Variants in CABP1 observed in about 807,000 individuals in gnomAD.
The protein encoded by CABP1 is calcium-binding protein 1.
In CABP1, 17 loss-of-function variants were observed where a neutral mutation model predicts 34.3. The ratio of observed to expected loss-of-function variants is 0.50; its 90% CI spans 0.34 to 0.74. The LOEUF (loss-of-function observed/expected upper bound fraction) is 0.74. Ranked by LOEUF, CABP1 falls within the 30% of genes least tolerant of loss-of-function variation. The pLI is 0.01. For synonymous variants in CABP1, 198 were observed against 229.2 expected (o/e 0.86, Z 1.23); for missense variants, 373 against 511.1 (o/e 0.73, Z 2.61).
At position 120,667,036 on chromosome 12, in the gene CABP1, C is replaced by A. The variant is rs1012759308; in HGVS notation, c.*136C>A. On this transcript the variant is annotated 3_prime_UTR_variant, in exon 6 of 6. Transcript: ENST00000316803. ...GGGGCCTGCCTGCACCCCGGGGAGGCGCCCACCCCGGACCCCCACCCCTCC... is the reference window on the plus strand; with the variant it reads ...GGGGCCTGCCTGCACCCCGGGGAGGAGCCCACCCCGGACCCCCACCCCTCC... 7.6e-6 allele frequency: 8 copies of A among 1,050,196 alleles called. No individual in the cohort carries two copies. The highest frequency in any genetic ancestry group is 2.1e-5 in the Admixed American group (1 of 48,218). 65.1% of individuals were successfully genotyped at this position (1,050,196 alleles called of 1,614,324 possible).
At chr12:120,676,227 C>T in the CABP1 span, among the ~76,000 whole-genome samples, 1 of 152,288 alleles carries the variant, frequency 6.6e-6, no homozygotes, top group South Asian at 2.1e-4. Context: ...AGTCACATAT[C>T]ACCTGTTCAA....
intron 1 of CABP1, among the ~76,000 whole-genome samples, chr12:120,652,901 C>T (rs776100921): frequency 2.6e-5 from 4 of 152,158 alleles, no homozygotes; most frequent in Non-Finnish European, 5.9e-5. Flanking sequence ...TTGCTGCCCA[C>T]TTGGCTTCCT....
chr12:120,666,019 A>G (rs1410483868), intron 5 of CABP1, among the ~76,000 whole-genome samples: 2 of 144,654 alleles, frequency 1.4e-5, no homozygotes, highest in East Asian at 2.0e-4. Flanking sequence ...CTCTGTCTCA[A>G]AAAAAAAAAA....
chr12:120,653,263 A>G (rs1353739192), intron 1 of CABP1, among the ~76,000 whole-genome samples: 1 of 151,952 alleles, frequency 6.6e-6, no homozygotes, highest in Non-Finnish European at 1.5e-5. Flanking sequence ...CACTATGGCA[A>G]CTCTATTTAT....
chr12:120,649,343 G>T (rs1362387607), intron 1 of CABP1, among the ~76,000 whole-genome samples: 1 of 152,214 alleles, frequency 6.6e-6, no homozygotes, highest in African/African-American at 2.4e-5. Flanking sequence ...GGCTTGGGAG[G>T]AGTTCTGCTT....
Position 120,641,297 on chromosome 12 carries a change from C to G in CABP1, c.612C>G (p.Phe204Leu). The G allele has an allele frequency of 1.5e-6, 2 of 1,329,482 alleles. No individual in the cohort carries two copies. The highest frequency in any genetic ancestry group is 1.9e-6 in the Non-Finnish European group (2 of 1,041,238). 82.4% of individuals were successfully genotyped at this position (1,329,482 alleles called of 1,614,324 possible). The part of the protein sequence containing the change: ...VPAAASEADP[F>L]LHRLRPMLSS... ...CCGCCGCGTCCGAGGCGGACCCGTT[C>G]CTCCACCGGCTGCGCCCCATGCTCA... The change falls in exon 1 of 6, where the codon TTC (phenylalanine) becomes TTG (leucine). Residue 204 changes from phenylalanine (F) to leucine (L), a missense_variant. Transcript: ENST00000316803. The surrounding 1 kb of genome is among the most constrained non-coding windows in gnomAD (Gnocchi z 6.7).
At chr12:120,662,180 G>A (rs1880691005) in intron 5 of CABP1, 1 of 152,136 alleles carries the variant, frequency 6.6e-6, no homozygotes, top group Non-Finnish European at 1.5e-5. Flanking sequence ...GGTGTTTTCT[G>A]AACATTACAT....
intron 1 of CABP1, among the ~76,000 whole-genome samples, chr12:120,658,715 C>T (rs949594092): frequency 5.9e-5 from 9 of 152,150 alleles, no homozygotes; most frequent in African/African-American, 1.4e-4. Context: ...TTGGCTGGAA[C>T]GGCCTGCATG....
In CABP1 at chr12:120,660,437, T is replaced by G; in HGVS notation, c.829+98T>G. ...GGCTTCAAATTCTGCATCCACCTCT[T>G]ACCAGCTCTGTGATCTGGGGCCAAC... On this transcript the variant is annotated intron_variant, in intron 3 of 5. Coordinates refer to ENST00000316803, the MANE Select transcript of CABP1 (RefSeq NM_001033677.2). The surrounding 1 kb of genome is among the most constrained non-coding windows in gnomAD (Gnocchi z 5.0). 1 of 1,342,218 alleles carries G rather than the reference T, an allele frequency of 7.5e-7. No homozygotes were observed. Among genetic ancestry groups the G allele is most frequent in the Non-Finnish European group, 1.0e-6 (1 of 983,080 alleles). 83.1% of individuals were successfully genotyped at this position (1,342,218 alleles called of 1,614,324 possible).
chr12:120,642,252 T>C (rs1233755084), intron 1 of CABP1, among the ~76,000 whole-genome samples: 1 of 150,598 alleles, frequency 6.6e-6, no homozygotes, highest in East Asian at 1.9e-4. Flanking sequence ...CTCCGAGAGG[T>C]GTCATGCAGA....
chr12:120,665,095 G>T (rs12818724), intron 5 of CABP1, among the ~76,000 whole-genome samples: 1 of 151,948 alleles, frequency 6.6e-6, no homozygotes, highest in Non-Finnish European at 1.5e-5. Flanking sequence ...GGGATGAATA[G>T]GCAGAGAAGA....
At chr12:120,647,162 G>A (rs9669046) in intron 1 of CABP1, among the ~76,000 whole-genome samples, 4,135 of 152,236 alleles carry the variant, frequency 0.027, 206 homozygotes, top group African/African-American at 0.093. Flanking sequence ...CTGAATAAAT[G>A]GATGCCACGC....
chr12:120,660,452 C>T lies in CABP1; in HGVS notation c.829+113C>T. The T allele has an allele frequency of 2.5e-6, 3 of 1,197,974 alleles. 1 individual carries two copies. Among genetic ancestry groups the T allele is most frequent in the Non-Finnish European group, 3.5e-6 (3 of 860,386 alleles). 74.2% of individuals were successfully genotyped at this position (1,197,974 alleles called of 1,614,324 possible). On this transcript the variant is annotated intron_variant, in intron 3 of 5. Coordinates refer to ENST00000316803, the MANE Select transcript of CABP1 (RefSeq NM_001033677.2). This position sits in a 1 kb window ranked among gnomAD's most constrained non-coding sequence, Gnocchi z 5.0. Reference sequence around the variant, plus strand: ...ATCCACCTCTTACCAGCTCTGTGATCTGGGGCCAACCACTTACCCTCTCTG... The same window carrying T: ...ATCCACCTCTTACCAGCTCTGTGATTTGGGGCCAACCACTTACCCTCTCTG...
the CABP1 span, among the ~76,000 whole-genome samples, chr12:120,679,509 C>G: frequency 6.6e-6 from 1 of 152,164 alleles, no homozygotes; most frequent in African/African-American, 2.4e-5. Context: ...GTTTATATGC[C>G]TTATATCAGT....
At chr12:120,643,799 G>T (rs1276353537) in intron 1 of CABP1, among the ~76,000 whole-genome samples, 1 of 152,228 alleles carries the variant, frequency 6.6e-6, no homozygotes, top group Non-Finnish European at 1.5e-5. Context: ...GATACGGAGA[G>T]ATAGAGAGAG....
In CABP1 at chr12:120,640,944, C is replaced by G; in HGVS notation, c.259C>G (p.Arg87Gly). ...AAASGGSRAP[R>G]HGPARDPGLP... ...GGCGAGCGGGGGCAGCCGGGCTCCC[C>G]GCCACGGCCCTGCCCGGGACCCGGG... The change falls in exon 1 of 6, where the codon CGC (arginine) becomes GGC (glycine). Residue 87 changes from arginine (R) to glycine (G), a missense_variant. Physicochemically the swap from Arg to Gly is moderately radical, Grantham distance 125. This residue lies in a region of CABP1 where 134 missense variants were observed against 145.4 expected (regional missense o/e 0.92). Transcript: ENST00000316803. The surrounding 1 kb of genome is among the most constrained non-coding windows in gnomAD (Gnocchi z 6.2). The G allele has an allele frequency of 1.8e-6, 2 of 1,133,328 alleles. No homozygotes were observed. Among genetic ancestry groups the G allele is most frequent in the Non-Finnish European group, 2.2e-6 (2 of 925,522 alleles). 70.2% of individuals were successfully genotyped at this position (1,133,328 alleles called of 1,614,324 possible).
rs569783322 is a variant in CABP1 at position 120,661,602 on chromosome 12, C to T, written c.1087+384C>T. On this transcript the variant is annotated intron_variant, in intron 5 of 5. Transcript: ENST00000316803. The surrounding 1 kb of genome is among the most constrained non-coding windows in gnomAD (Gnocchi z 5.1). ...TCCATTCATCCATTCATCTACCTAT[C>T]TATCTATCTGTCCATCATCCATCCA... is the stretch of plus-strand genomic sequence containing the variant. 1 of 129,142 alleles carries T rather than the reference C, an allele frequency of 7.7e-6. No homozygotes were observed. The highest frequency in any genetic ancestry group is 1.6e-4 in the East Asian group (1 of 6,166). 8.0% of individuals were successfully genotyped at this position (129,142 alleles called of 1,614,324 possible).
intron 1 of CABP1, among the ~76,000 whole-genome samples, chr12:120,651,398 A>G (rs905613726): frequency 3.9e-5 from 6 of 152,214 alleles, no homozygotes; most frequent in East Asian, 1.9e-4. Context: ...TAGAAAGAAC[A>G]TGATCATCTC....
intron 1 of CABP1, among the ~76,000 whole-genome samples, chr12:120,650,963 A>T (rs562042708): frequency 6.6e-6 from 1 of 152,224 alleles, no homozygotes; most frequent in South Asian, 2.1e-4. Flanking sequence ...TAAAATGAAA[A>T]GGGTGGATCC....
Sources: gnomAD v4.1 joint callset for allele counts (sites outside exome capture counted in the v4.1 genomes callset) on GRCh38, gnomAD v4.1.1 for gene constraint, gnomAD v4.1.1 regional missense constraint, Gnocchi (gnomAD v3.1) non-coding constraint, MANE v1.5 for transcripts, NCBI Gene and HGNC (gene_info 2026-07-23, HGNC 2026-07-21) for gene names.